Variants in LETM2 observed in about 807,000 individuals in gnomAD.
LETM2 encodes the protein leucine zipper and EF-hand containing transmembrane protein 2.
A neutral mutation model predicts 59.6 loss-of-function variants in LETM2; 58 were observed. That is an observed-to-expected ratio of 0.97 (90% CI 0.79 to 1.21). LETM2 has a LOEUF of 1.21. Among genes scored for constraint, LETM2 ranks in the 50% most tolerant of loss-of-function variants. LETM2 has a pLI of 0.00. For missense variants in LETM2, 572 were observed against 575.7 expected (o/e 0.99, Z 0.07); for synonymous variants, 199 against 214.1 (o/e 0.93, Z 0.62).
chr8:38,389,803 A>G (rs1469506750), intron 2 of LETM2, among the ~76,000 whole-genome samples: 2 of 151,774 alleles, frequency 1.3e-5, no homozygotes, highest in Non-Finnish European at 2.9e-5. Context: ...GATCGAGACC[A>G]TCCTGGCCAA....
chr8:38,389,497 C>T (rs535272904), intron 2 of LETM2, among the ~76,000 whole-genome samples: 2 of 152,256 alleles, frequency 1.3e-5, no homozygotes, highest in African/African-American at 2.4e-5. Flanking sequence ...GGATTACAGG[C>T]GTGAGCCACC....
intron 2 of LETM2, among the ~76,000 whole-genome samples, chr8:38,390,839 C>T (rs1476256794): frequency 4.6e-5 from 7 of 150,700 alleles, no homozygotes; most frequent in South Asian, 2.1e-4. Context: ...CACTCCACCA[C>T]GCCCAGCTAA....
At chr8:38,384,570 T>A (rs556036461), upstream of LETM2, among the ~76,000 whole-genome samples, 353 of 152,332 alleles carry the variant, frequency 2.3e-3, 2 homozygotes, top group East Asian at 6.2e-3. Flanking sequence ...AATATTTTTT[T>A]AAAAATTTCT....
chr8:38,399,777 C>CA (rs10683906), intron 4 of LETM2, among the ~76,000 whole-genome samples: 2,349 of 85,260 alleles, frequency 0.028, 81 homozygotes, highest in Middle Eastern at 0.031. Context: ...AACTCCATCT[C>CA]AAAAAAAAAA....
At chr8:38,387,370 T>C (rs1811860015) in intron 1 of LETM2, 1 of 152,164 alleles carries the variant, frequency 6.6e-6, no homozygotes, top group Non-Finnish European at 1.5e-5. Context: ...TGGGTTTTGG[T>C]GAAGGTTATT....
chr8:38,407,380 C>G lies in LETM2; in HGVS notation c.1330C>G (p.Pro444Ala). Residue 444 changes from proline to alanine, a missense_variant, in exon 10 of 11, where the codon CCG becomes GCG. Transcript: ENST00000379957. ...KGTKDEDFIQ[P>A]PPVTSSPITP... ...GTTTAAGGATGAAGACTTTATACAGCCGCCACCAGTTACATCATCACCCAT... is the reference window on the plus strand; with the variant it reads ...GTTTAAGGATGAAGACTTTATACAGGCGCCACCAGTTACATCATCACCCAT... The G allele has an allele frequency of 1.9e-6, 3 of 1,612,436 alleles. No individual in the cohort carries two copies. The highest frequency in any genetic ancestry group is 1.7e-6 in the Non-Finnish European group (2 of 1,178,666).
At chr8:38,396,914 TA>T (rs887193821) in intron 4 of LETM2, 8,765 of 266,068 alleles carry the variant, frequency 0.033, no homozygotes, top group South Asian at 0.061. Context: ...AGATCCTGTT[TA>T]AAAAAAAAAA....
intron 6 of LETM2, among the ~76,000 whole-genome samples, chr8:38,401,399 A>T (rs1479339574): frequency 6.6e-6 from 1 of 152,114 alleles, no homozygotes; most frequent in Non-Finnish European, 1.5e-5. Flanking sequence ...AGCCTCCCAA[A>T]GTGTTGGGAT....
chr8:38,407,986 G>C (rs1428523497), intron 10 of LETM2: 3 of 496,504 alleles, frequency 6.0e-6, no homozygotes, highest in Non-Finnish European at 1.1e-5. Flanking sequence ...TGGCAGGACA[G>C]AGAATCTATG....
chr8:38,393,044 T>C, intron 3 of LETM2, 49 bp downstream of exon 3: 3 of 1,446,232 alleles, frequency 2.1e-6, no homozygotes, highest in Non-Finnish European at 2.8e-6. Flanking sequence ...TAAAATGAAC[T>C]ATTTGGGAAC....
chr8:38,404,692 A>C, intron 8 of LETM2, 186 bp downstream of exon 8: 7 of 549,184 alleles, frequency 1.3e-5, no homozygotes, highest in Non-Finnish European at 2.0e-5. Context: ...AAACAAAACA[A>C]AGGAAGGCCA....
intron 2 of LETM2, among the ~76,000 whole-genome samples, chr8:38,388,730 A>G (rs1217795611): frequency 6.6e-6 from 1 of 150,878 alleles, no homozygotes; most frequent in East Asian, 2.0e-4. Context: ...CAAAAAAAAA[A>G]AAGAAAAGAA....
chr8:38,397,988 A>T (rs1812826288), intron 4 of LETM2, among the ~76,000 whole-genome samples: 1 of 152,052 alleles, frequency 6.6e-6, no homozygotes, highest in Non-Finnish European at 1.5e-5. Context: ...AAAAATACAA[A>T]AATTAGCCTG....
At chr8:38,391,212 C>CAAAAAAAAAAAAAAAAAAAAAA (rs1381418029) in intron 2 of LETM2, among the ~76,000 whole-genome samples, 1 of 120,118 alleles carries the variant, frequency 8.3e-6, no homozygotes, top group Non-Finnish European at 1.8e-5. Flanking sequence ...AAAAAAAAAC[C>CAAAAAAAAAAAAAAAAAAAAAA]AAAAAACTGA....
intron 2 of LETM2, among the ~76,000 whole-genome samples, chr8:38,389,044 G>A (rs766538408): frequency 8.5e-5 from 13 of 152,102 alleles, no homozygotes; most frequent in Non-Finnish European, 1.5e-4. Flanking sequence ...GGGATTAAAG[G>A]CGTGAGCCAC....
In LETM2 at chr8:38,393,432, G is replaced by A. The variant is rs1173944291; in HGVS notation, c.501+437G>A. ...GGCTGAGGCGGGCGGATCACTTGAG[G>A]TCAGGAGTTCAAGACCAGACTGGCC... On this transcript the variant is annotated intron_variant, in intron 3 of 10. Transcript: ENST00000379957. The A allele has an allele frequency of 9.0e-5, 15 of 166,210 alleles. No individual in the cohort carries two copies. In the East Asian group the frequency reaches 2.6e-3, roughly 28 times the overall value. 10.3% of individuals were successfully genotyped at this position (166,210 alleles called of 1,614,324 possible). A position where few individuals can be genotyped will look rare whatever the true frequency, so the allele number is the denominator to read the frequency against.
At position 38,408,992 on chromosome 8, in the gene LETM2, T is replaced by C. The variant is rs1167853363; in HGVS notation, c.*718T>C. The C allele has an allele frequency of 3.3e-5, 5 of 152,204 alleles. No individual in the cohort carries two copies. The highest frequency in any genetic ancestry group is 5.9e-5 in the Non-Finnish European group (4 of 68,050). The allele number at this position is 152,204 out of a possible 1,614,324, so 9.4% of individuals were successfully genotyped here. On this transcript the variant is annotated 3_prime_UTR_variant, in exon 11 of 11. Coordinates refer to ENST00000379957, the MANE Select transcript of LETM2 (RefSeq NM_001286819.2). ...TAATTAAGGGTTTAAGCCTTAACCA[T>C]GTTTGTGTTGGGTGTGTGTGTTTCT...
At chr8:38,401,554 C>T (rs1813228940) in intron 6 of LETM2, 1 of 164,232 alleles carries the variant, frequency 6.1e-6, no homozygotes, top group Non-Finnish European at 1.3e-5. Flanking sequence ...GTTGTCATCC[C>T]CTTACCCATT....
intron 2 of LETM2, 145 bp downstream of exon 2, chr8:38,388,175 G>C (rs1811927966): frequency 3.3e-6 from 2 of 615,350 alleles, no homozygotes; most frequent in Admixed American, 5.8e-5. Flanking sequence ...CTGCCTCCCG[G>C]GTTCAAGCTA....
Sources: gnomAD v4.1 joint callset for allele counts (sites outside exome capture counted in the v4.1 genomes callset) on GRCh38, gnomAD v4.1.1 for gene constraint, MANE v1.5 for transcripts, NCBI Gene and HGNC (gene_info 2026-07-23, HGNC 2026-07-21) for gene names.